The following NRXN1 variants were observed in gnomAD, a reference collection of about 807,000 sequenced individuals.
NRXN1 encodes neurexin-1.
NRXN1 carries 39 observed loss-of-function variants against 150.9 expected under a neutral mutation model. The observed-to-expected ratio is 0.26, with a 90% CI of 0.20 to 0.34. The LOEUF is 0.34. Among genes scored for constraint, NRXN1 ranks in the 10% least tolerant of loss-of-function variants. The pLI, the probability that NRXN1 is intolerant of heterozygous loss-of-function variation, is 1.00. For missense variants in NRXN1, 1,815 were observed against 1,949.9 expected, an observed-to-expected ratio of 0.93 and a Z score of 1.30; for synonymous variants, 924 against 757.0, an observed-to-expected ratio of 1.22 and a Z score of -3.62.
At chr2:50,197,874 C>T (rs764322756) in intron 18 of NRXN1, among the ~76,000 whole-genome samples, 7 of 152,084 alleles carry the variant, frequency 4.6e-5, no homozygotes, top group Admixed American at 6.6e-5. Context: ...TTTTAAAGGC[C>T]TTATTGCAAG....
In NRXN1 at chr2:50,818,855, CT is replaced by C. The variant is rs1669300729; in HGVS notation, c.832+103013del. ...ACTTGATTAAAAAGCGGGCAAAGAA[CT>C]TGTTTAGACATTTGTTCCAAGAAAT... is the stretch of plus-strand genomic sequence containing the variant. On this transcript the variant is annotated intron_variant, in intron 5 of 22. Coordinates refer to ENST00000401669, the MANE Select transcript of NRXN1 (RefSeq NM_001330078.2). Among the ~76,000 whole-genome samples, 3 of 152,166 alleles carry C rather than the reference CT, an allele frequency of 2.0e-5. No individual in the cohort carries two copies. The South Asian group carries it at 6.2e-4, about 32-fold the overall frequency.
intron 5 of NRXN1, among the ~76,000 whole-genome samples, chr2:50,758,800 C>T (rs562786237): frequency 6.6e-6 from 1 of 151,892 alleles, no homozygotes; most frequent in Non-Finnish European, 1.5e-5. Flanking sequence ...TCTCACTCAT[C>T]TATTCGCACC....
chr2:50,182,733 T>C (rs1222115117), intron 18 of NRXN1, among the ~76,000 whole-genome samples: 1 of 152,098 alleles, frequency 6.6e-6, no homozygotes, highest in South Asian at 2.1e-4. Flanking sequence ...TAAAAATCTA[T>C]GTCTTTATAA....
chr2:50,771,882 A>G (rs1703053536), intron 5 of NRXN1, among the ~76,000 whole-genome samples: 1 of 152,126 alleles, frequency 6.6e-6, no homozygotes, highest in African/African-American at 2.4e-5. Flanking sequence ...TGCCCTAATA[A>G]AACTTATCAG....
At chr2:50,595,799 T>C (rs1295346302) in intron 8 of NRXN1, among the ~76,000 whole-genome samples, 2 of 152,206 alleles carry the variant, frequency 1.3e-5, no homozygotes, top group African/African-American at 4.8e-5. Flanking sequence ...CATTATTATC[T>C]ATGTTCCTTA....
chr2:50,468,480 G>C (rs892108862), intron 16 of NRXN1, among the ~76,000 whole-genome samples: 2 of 151,426 alleles, frequency 1.3e-5, no homozygotes, highest in African/African-American at 4.8e-5. Flanking sequence ...ACAAGAGAGA[G>C]CCTTAAATTT....
rs72878375 is a variant in NRXN1 at position 50,475,405 on chromosome 2, G to A, written c.3071-2934C>T. ...CACGGTAGAAAAGAATAAAAAAAGAGGAAACAGTAAGGCAACACATGAGGA... is the reference window on the plus strand; with the variant it reads ...CACGGTAGAAAAGAATAAAAAAAGAAGAAACAGTAAGGCAACACATGAGGA... On this transcript the variant is annotated intron_variant, in intron 15 of 22. Transcript: ENST00000401669. 8.3e-3 allele frequency among the ~76,000 whole-genome samples: 863 copies of A among 104,602 alleles called. 6 individuals are homozygous for A. The highest frequency in any genetic ancestry group is 0.027 in the African/African-American group (802 of 29,742). The allele number at this position is 104,602 out of a possible 152,430, so 68.6% of individuals were successfully genotyped here.
chr2:50,944,654 C>G (rs973146704), intron 2 of NRXN1, among the ~76,000 whole-genome samples: 2 of 152,132 alleles, frequency 1.3e-5, no homozygotes, highest in African/African-American at 4.8e-5. Flanking sequence ...TACTGAGTAA[C>G]AGCAAGAATC....
chr2:50,646,708 C>CTTTTTTTTT (rs552231598), intron 5 of NRXN1, among the ~76,000 whole-genome samples: 95 of 107,360 alleles, frequency 8.8e-4, no homozygotes, highest in East Asian at 1.2e-3. Flanking sequence ...TTCATGTTGT[C>CTTTTTTTTT]TTTTTTTTTT....
intron 21 of NRXN1, among the ~76,000 whole-genome samples, chr2:49,955,978 T>C (rs1373546063): frequency 6.6e-6 from 1 of 152,164 alleles, no homozygotes; most frequent in Non-Finnish European, 1.5e-5. Context: ...ACATTTAGAA[T>C]ACTGTGGTGG....
intron 5 of NRXN1, among the ~76,000 whole-genome samples, chr2:50,853,507 T>A (rs981561249): frequency 2.6e-4 from 39 of 152,126 alleles, no homozygotes; most frequent in African/African-American, 8.2e-4. Context: ...GTACTGGAAA[T>A]TATTTGTCAG....
At chr2:50,176,413 G>T (rs1239120190) in intron 18 of NRXN1, among the ~76,000 whole-genome samples, 2 of 152,048 alleles carry the variant, frequency 1.3e-5, no homozygotes, top group East Asian at 3.9e-4. Context: ...TTCTTGGAAG[G>T]AGCAGGGGCC....
At chr2:50,763,118 C>T (rs1701997819) in intron 5 of NRXN1, among the ~76,000 whole-genome samples, 1 of 151,874 alleles carries the variant, frequency 6.6e-6, no homozygotes, top group Non-Finnish European at 1.5e-5. Context: ...TTAATGATAC[C>T]ACAGTCCTAT....
chr2:50,396,612 T>C (rs764969243), intron 17 of NRXN1, among the ~76,000 whole-genome samples: 13 of 152,122 alleles, frequency 8.5e-5, no homozygotes, highest in Non-Finnish European at 1.5e-4. Context: ...AACAGGGCTA[T>C]GTCTGCTTTG....
intron 19 of NRXN1, among the ~76,000 whole-genome samples, chr2:50,089,612 C>T (rs1699272954): frequency 6.6e-6 from 1 of 151,792 alleles, no homozygotes; most frequent in African/African-American, 2.4e-5. Context: ...CATAGCGAGA[C>T]CCCCATCTCT....
At chr2:50,497,204 A>G (rs888907914) in intron 14 of NRXN1, 129 bp downstream of exon 14, 1 of 564,286 alleles carries the variant, frequency 1.8e-6, no homozygotes, top group Non-Finnish European at 2.8e-6. Flanking sequence ...ATGCCTTCTT[A>G]TTTGTCCTCC....
intron 17 of NRXN1, among the ~76,000 whole-genome samples, chr2:50,415,247 G>T (rs1247691546): frequency 6.6e-6 from 1 of 152,114 alleles, no homozygotes; most frequent in Non-Finnish European, 1.5e-5. Flanking sequence ...TTAAATTACA[G>T]TTAAAGTTAT....
rs1176028823 is a variant in NRXN1 at position 50,771,305 on chromosome 2, C to T, written c.833-147690G>A. Among the ~76,000 whole-genome samples the T allele has an allele frequency of 9.9e-5, 15 of 152,040 alleles. No individual in the cohort carries two copies. The East Asian group carries it at 2.5e-3, about 26-fold the overall frequency. On this transcript the variant is annotated intron_variant, in intron 5 of 22. Coordinates refer to ENST00000401669, the MANE Select transcript of NRXN1 (RefSeq NM_001330078.2). ...TCTCCCAAAACGCAAAATCATAACA[C>T]TATTCAACTGCTTGAGAACTTACAA...
At chr2:50,590,301 A>G (rs947997671) in intron 8 of NRXN1, among the ~76,000 whole-genome samples, 1 of 151,926 alleles carries the variant, frequency 6.6e-6, no homozygotes. Context: ...TGCTTGTACA[A>G]TATATATATA....
Sources: allele counts gnomAD v4.1 joint callset (sites outside exome capture counted in the v4.1 genomes callset), GRCh38; gene constraint gnomAD v4.1.1; transcripts MANE v1.5; gene names NCBI Gene and HGNC (gene_info 2026-07-23, HGNC 2026-07-21).